CA10: variants seen among roughly 807,000 people sequenced by gnomAD.
CA10 encodes carbonic anhydrase-related protein 10.
In CA10, 14 loss-of-function variants were observed where a neutral mutation model predicts 44.2. The observed-to-expected ratio is 0.32, with a 90% confidence interval of 0.21 to 0.50. The LOEUF (loss-of-function observed/expected upper bound fraction) is 0.50. CA10 is among the 20% of genes least tolerant of loss of function. The pLI, the probability that CA10 is intolerant of heterozygous loss-of-function variation, is 0.99. For missense variants in CA10, 350 were observed against 409.7 expected (o/e 0.85, Z 1.26); for synonymous variants, 159 against 141.6 (o/e 1.12, Z -0.87).
At chr17:51,787,549 G>T (rs370902776) in intron 3 of CA10, among the ~76,000 whole-genome samples, 21 of 151,470 alleles carry the variant, frequency 1.4e-4, no homozygotes, top group African/African-American at 4.6e-4. Context: ...TGAGTGCAGT[G>T]GTACAATCTC....
At chr17:51,735,565 A>G (rs1030938739) in intron 4 of CA10, among the ~76,000 whole-genome samples, 1 of 152,062 alleles carries the variant, frequency 6.6e-6, no homozygotes, top group East Asian at 1.9e-4. Flanking sequence ...TTGGAAAAAA[A>G]TGTGAACCAC....
At chr17:52,031,986 C>G (rs1286592347) in intron 2 of CA10, among the ~76,000 whole-genome samples, 1 of 152,074 alleles carries the variant, frequency 6.6e-6, no homozygotes, top group African/African-American at 2.4e-5. Context: ...CAAGAGCTGC[C>G]ATGAGCACAG....
chr17:52,037,329 T>C (rs2144184591), intron 2 of CA10, among the ~76,000 whole-genome samples: 1 of 152,130 alleles, frequency 6.6e-6, no homozygotes. Context: ...TGAGACAGCA[T>C]CCAAGTAGCT....
intron 3 of CA10, among the ~76,000 whole-genome samples, chr17:51,796,410 C>T (rs1906711447): frequency 6.6e-6 from 1 of 152,154 alleles, no homozygotes; most frequent in African/African-American, 2.4e-5. Context: ...ATTGCAAGTT[C>T]AAGTGTCCTG....
intron 3 of CA10, among the ~76,000 whole-genome samples, chr17:51,914,421 T>TA (rs752070929): frequency 1.3e-5 from 2 of 152,084 alleles, no homozygotes; most frequent in African/African-American, 4.8e-5. Flanking sequence ...ATGGAACGTG[T>TA]AAAAAAATTA....
At chr17:51,909,018 C>A (rs1199357530) in intron 3 of CA10, among the ~76,000 whole-genome samples, 4 of 152,116 alleles carry the variant, frequency 2.6e-5, no homozygotes, top group Non-Finnish European at 4.4e-5. Flanking sequence ...TCTGCAAAAG[C>A]CAGAGATAGA....
At chr17:52,096,647 A>G (rs1167050716) in intron 1 of CA10, among the ~76,000 whole-genome samples, 1 of 152,176 alleles carries the variant, frequency 6.6e-6, no homozygotes, top group East Asian at 1.9e-4. Flanking sequence ...AGAGCCATTG[A>G]TATTTTGCTA....
intron 3 of CA10, among the ~76,000 whole-genome samples, chr17:51,908,980 T>C (rs1322441826): frequency 2.0e-5 from 3 of 152,164 alleles, no homozygotes; most frequent in Non-Finnish European, 2.9e-5. Context: ...TTGGCTTTCA[T>C]AACTGATTTT....
At chr17:51,894,947 A>T (rs1273463787) in intron 3 of CA10, among the ~76,000 whole-genome samples, 1 of 152,160 alleles carries the variant, frequency 6.6e-6, no homozygotes, top group Non-Finnish European at 1.5e-5. Context: ...GAAAAGGCCA[A>T]CTGAGTCCCT....
At chr17:52,066,458 T>A (rs375696084) in intron 2 of CA10, among the ~76,000 whole-genome samples, 1 of 152,172 alleles carries the variant, frequency 6.6e-6, no homozygotes, top group South Asian at 2.1e-4. Context: ...TGGAGATAAT[T>A]GAATCATGGG....
At chr17:52,063,993 G>A (rs746584663) in intron 2 of CA10, among the ~76,000 whole-genome samples, 5 of 152,250 alleles carry the variant, frequency 3.3e-5, no homozygotes, top group African/African-American at 7.2e-5. Flanking sequence ...TTCTTAATCC[G>A]TTGACTTTCA....
At chr17:52,021,412 T>C (rs1307586903) in intron 2 of CA10, among the ~76,000 whole-genome samples, 1 of 152,148 alleles carries the variant, frequency 6.6e-6, no homozygotes, top group Non-Finnish European at 1.5e-5. Context: ...GTTGAACTAA[T>C]TTATATTCCC....
At chr17:52,134,323 T>G (rs1207620575) in intron 1 of CA10, among the ~76,000 whole-genome samples, 1 of 152,220 alleles carries the variant, frequency 6.6e-6, no homozygotes. Flanking sequence ...ACCTATTTAT[T>G]TGTCCCTTGG....
chr17:51,645,094 C>A (rs1163692633), intron 6 of CA10, among the ~76,000 whole-genome samples: 1 of 152,162 alleles, frequency 6.6e-6, no homozygotes, highest in Non-Finnish European at 1.5e-5. Context: ...CTGTGCCCGG[C>A]CTCTTGGCTT....
intron 3 of CA10, among the ~76,000 whole-genome samples, chr17:51,872,500 C>A (rs1979864859): frequency 6.6e-6 from 1 of 152,176 alleles, no homozygotes; most frequent in African/African-American, 2.4e-5. Flanking sequence ...CCTTCAGAGA[C>A]CTCTTTGTAT....
chr17:52,032,870 C>T (rs1341804567), intron 2 of CA10, among the ~76,000 whole-genome samples: 4 of 152,068 alleles, frequency 2.6e-5, no homozygotes, highest in Admixed American at 6.6e-5. Context: ...AACAGTGTGA[C>T]ATTTGAGAAT....
At chr17:51,697,598 C>T (rs756764065) in intron 4 of CA10, among the ~76,000 whole-genome samples, 24 of 152,246 alleles carry the variant, frequency 1.6e-4, no homozygotes, top group Non-Finnish European at 2.6e-4. Flanking sequence ...GTAGATGAGA[C>T]GTTGTATTTA....
intron 1 of CA10, among the ~76,000 whole-genome samples, chr17:52,119,012 T>G (rs2143309039): frequency 6.6e-6 from 1 of 152,344 alleles, no homozygotes; most frequent in Middle Eastern, 3.4e-3. Context: ...GTTAATGGAA[T>G]GGACTGAACT....
At chr17:52,046,150 G>T (rs2144200691) in intron 2 of CA10, among the ~76,000 whole-genome samples, 1 of 151,510 alleles carries the variant, frequency 6.6e-6, no homozygotes, top group East Asian at 2.0e-4. Context: ...TTAGCTTTCA[G>T]CTTAAAAAAC....
Sources: allele counts gnomAD v4.1 joint callset (sites outside exome capture counted in the v4.1 genomes callset), GRCh38; gene constraint gnomAD v4.1.1; transcripts MANE v1.5; gene names NCBI Gene and HGNC (gene_info 2026-07-23, HGNC 2026-07-21).